The following CORO2B variants were observed in gnomAD, a reference collection of about 807,000 sequenced individuals.
CORO2B encodes the protein coronin-2B.
CORO2B carries 26 observed loss-of-function variants against 58.8 expected under a neutral mutation model. The observed-to-expected ratio is 0.44, with a 90% CI of 0.32 to 0.61. The LOEUF (loss-of-function observed/expected upper bound fraction) is 0.61. Ranked by LOEUF, CORO2B falls within the 20% of genes least tolerant of loss-of-function variation. The pLI is 0.04. For missense variants in CORO2B, 460 were observed against 645.1 expected (o/e 0.71, Z 3.11); for synonymous variants, 242 against 253.8 (o/e 0.95, Z 0.44).
At chr15:68,538,717 CA>C in the CORO2B span, among the ~76,000 whole-genome samples, 2 of 151,806 alleles carry the variant, frequency 1.3e-5, no homozygotes, top group Non-Finnish European at 2.9e-5. Context: ...ATTAATATAA[CA>C]AAAAAAACCC....
intron 1 of CORO2B, among the ~76,000 whole-genome samples, chr15:68,598,613 G>A (rs891992654): frequency 1.3e-5 from 2 of 152,160 alleles, no homozygotes; most frequent in East Asian, 1.9e-4. Context: ...CTGCCCTGGA[G>A]CCCGCTTGGC....
chr15:68,588,250 A>G (rs1300004891), intron 1 of CORO2B, among the ~76,000 whole-genome samples: 1 of 152,146 alleles, frequency 6.6e-6, no homozygotes, highest in Non-Finnish European at 1.5e-5. Flanking sequence ...GAATTGATTC[A>G]TACTCTGTGG....
intron 2 of CORO2B, among the ~76,000 whole-genome samples, chr15:68,678,891 A>G (rs763648884): frequency 2.0e-5 from 3 of 152,176 alleles, no homozygotes; most frequent in Non-Finnish European, 2.9e-5. Flanking sequence ...GTTACTGGAC[A>G]GATAGTGGAT....
At chr15:68,617,875 G>T (rs918250423) in intron 1 of CORO2B, among the ~76,000 whole-genome samples, 1 of 152,250 alleles carries the variant, frequency 6.6e-6, no homozygotes, top group South Asian at 2.1e-4. Flanking sequence ...GAATGTGGGG[G>T]TTTGCATTTG....
intron 2 of CORO2B, among the ~76,000 whole-genome samples, chr15:68,659,973 A>G (rs1396711106): frequency 6.6e-6 from 1 of 152,228 alleles, no homozygotes; most frequent in Non-Finnish European, 1.5e-5. Flanking sequence ...GGGAGGAGGA[A>G]GAAGAGGGGT....
chr15:68,636,035 T>C (rs184246422), intron 1 of CORO2B, among the ~76,000 whole-genome samples: 10 of 152,230 alleles, frequency 6.6e-5, no homozygotes, highest in Admixed American at 3.9e-4. Flanking sequence ...AGATCCCAGC[T>C]CCTCCACTTC....
chr15:68,652,581 C>T (rs1434756756), intron 2 of CORO2B, among the ~76,000 whole-genome samples: 1 of 152,230 alleles, frequency 6.6e-6, no homozygotes, highest in African/African-American at 2.4e-5. Flanking sequence ...CTCCCTATAA[C>T]CCAGCCATTC....
At position 68,643,109 on chromosome 15, in the gene CORO2B, G is replaced by A. The variant is rs139301253; in HGVS notation, c.16-2051G>A. On this transcript the variant is annotated intron_variant, in intron 1 of 11. Coordinates refer to ENST00000261861, the MANE Select transcript of CORO2B (RefSeq NM_006091.5). ...TAGTATCTGTGAAATCATGGATTTGGCATGCAAGTTATATTTTTTCTAAAG... is the reference window on the plus strand; with the variant it reads ...TAGTATCTGTGAAATCATGGATTTGACATGCAAGTTATATTTTTTCTAAAG... 9.0e-3 allele frequency among the ~76,000 whole-genome samples: 1,365 copies of A among 152,264 alleles called. 11 individuals are homozygous for A. Among genetic ancestry groups the A allele is most frequent in the African/African-American group, 0.025 (1,046 of 41,542 alleles).
intron 1 of CORO2B, among the ~76,000 whole-genome samples, chr15:68,582,668 T>G (rs1185153728): frequency 6.6e-6 from 1 of 152,190 alleles, no homozygotes; most frequent in Non-Finnish European, 1.5e-5. Context: ...AAGTACAAGT[T>G]AATGGGCTAT....
chr15:68,545,065 C>T, the CORO2B span, among the ~76,000 whole-genome samples: 3 of 152,156 alleles, frequency 2.0e-5, no homozygotes, highest in Non-Finnish European at 2.9e-5. Context: ...TGAGCCACCA[C>T]GCCCGGCCTG....
intron 11 of CORO2B, among the ~76,000 whole-genome samples, chr15:68,722,043 G>T (rs1311403511): frequency 2.0e-5 from 3 of 152,164 alleles, no homozygotes; most frequent in East Asian, 3.8e-4. Context: ...ATGAGACACT[G>T]CGCCCAGCTA....
the CORO2B span, among the ~76,000 whole-genome samples, chr15:68,553,949 A>G: frequency 6.6e-6 from 1 of 152,244 alleles, no homozygotes; most frequent in African/African-American, 2.4e-5. Flanking sequence ...TCTAACTGCA[A>G]TCTTAGAAAG....
At position 68,674,645 on chromosome 15, in the gene CORO2B, A is replaced by C. The variant is rs533930343; in HGVS notation, c.217-20495A>C. On this transcript the variant is annotated intron_variant, in intron 2 of 11. Coordinates refer to ENST00000261861, the MANE Select transcript of CORO2B (RefSeq NM_006091.5). ...AGAGTAGGGGCCCTGACCGCCAGAG[A>C]AAGGCTCGTGGGCAGTGGCTTCTCC... 2.6e-5 allele frequency among the ~76,000 whole-genome samples: 4 copies of C among 152,314 alleles called. No homozygotes were observed. The South Asian group carries it at 8.3e-4, about 32-fold the overall frequency.
At chr15:68,562,989 AAAAG>A in the CORO2B span, among the ~76,000 whole-genome samples, 1 of 151,000 alleles carries the variant, frequency 6.6e-6, no homozygotes, top group Non-Finnish European at 1.5e-5. Context: ...AGAAAAAAAA[AAAAG>A]AAAGAAAAGA....
intron 2 of CORO2B, among the ~76,000 whole-genome samples, chr15:68,653,725 G>A (rs1901713666): frequency 6.6e-6 from 1 of 150,770 alleles, no homozygotes; most frequent in Non-Finnish European, 1.5e-5. Flanking sequence ...AAGGTGCCCA[G>A]CTCAGTACTG....
chr15:68,534,576 A>G, the CORO2B span, among the ~76,000 whole-genome samples: 1 of 152,162 alleles, frequency 6.6e-6, no homozygotes. Context: ...CCTTTTCCCT[A>G]TTTACTGCCA....
At chr15:68,619,189 GCC>G (rs1900447376) in intron 1 of CORO2B, among the ~76,000 whole-genome samples, 1 of 152,136 alleles carries the variant, frequency 6.6e-6, no homozygotes, top group South Asian at 2.1e-4. Flanking sequence ...GAAGCCCAGA[GCC>G]CCAATCTGTG....
intron 1 of CORO2B, among the ~76,000 whole-genome samples, chr15:68,595,168 C>T (rs1899795390): frequency 6.6e-6 from 1 of 152,380 alleles, no homozygotes; most frequent in Admixed American, 6.5e-5. Context: ...AGCCAAGTGG[C>T]AGCCTCAGCT....
In CORO2B at chr15:68,713,859, A is replaced by G. The variant is rs1242265219; in HGVS notation, c.649-66A>G. ...ATGGGTGTATCTTTTCGGGACCACC[A>G]TTCATGCCACTGCAGAACCCACATG... On this transcript the variant is annotated intron_variant, in intron 5 of 11. Transcript: ENST00000261861. 8.3e-6 allele frequency: 9 copies of G among 1,084,810 alleles called. No individual in the cohort carries two copies. In the East Asian group the frequency reaches 1.9e-4, roughly 23 times the overall value. The allele number at this position is 1,084,810 out of a possible 1,614,324, so 67.2% of individuals were successfully genotyped here. A position where few individuals can be genotyped will look rare whatever the true frequency, so the allele number is the denominator to read the frequency against.
Sources: gnomAD v4.1 joint callset for allele counts (sites outside exome capture counted in the v4.1 genomes callset) on GRCh38, gnomAD v4.1.1 for gene constraint, MANE v1.5 for transcripts, NCBI Gene and HGNC (gene_info 2026-07-23, HGNC 2026-07-21) for gene names.